Variants in PCBP2 observed in about 807,000 individuals in gnomAD.
PCBP2 encodes poly(rC) binding protein 2.
PCBP2 carries 4 observed loss-of-function variants against 50.1 expected under a neutral mutation model. That is an observed-to-expected ratio of 0.08 (90% CI 0.04 to 0.18). The LOEUF (loss-of-function observed/expected upper bound fraction) is 0.18, where lower values mean the gene tolerates loss of function less well. Ranked by LOEUF, PCBP2 falls within the 10% of genes least tolerant of loss-of-function variation. The probability of loss-of-function intolerance (pLI) is 1.00; values close to 1 mark genes in which losing one functional copy is unlikely to be tolerated. For synonymous variants in PCBP2, 179 were observed against 168.0 expected, an observed-to-expected ratio of 1.07 and a Z score of -0.51; for missense variants, 161 against 474.3, an observed-to-expected ratio of 0.34 and a Z score of 6.14.
intron 14 of PCBP2, among the ~76,000 whole-genome samples, chr12:53,472,922 G>A (rs950761251): frequency 1.3e-5 from 2 of 152,104 alleles, no homozygotes; most frequent in East Asian, 3.8e-4. Flanking sequence ...GGTCCTTAAT[G>A]TTGAGAATGA....
In PCBP2 at chr12:53,464,789, G is replaced by A. The variant is rs1177502548; in HGVS notation, c.609G>A (p.Ala203=). Residue 203 remains alanine, a synonymous_variant, in exon 9 of 15, where the codon GCG becomes GCA. Transcript: ENST00000546463. ...QDRYSTGSDS[A]SFPHTTPSMC... is the part of the protein sequence containing the mutation. ...GGTACAGCACAGGCAGCGACAGTGC[G>A]AGCTTTCCCCACACCACCCCGTCCA... 2 of 1,611,682 alleles carry A rather than the reference G, an allele frequency of 1.2e-6. No homozygotes were observed. Among genetic ancestry groups the A allele is most frequent in the African/African-American group, 1.3e-5 (1 of 74,646 alleles).
chr12:53,454,513 A>G (rs1940842569), intron 1 of PCBP2: 1 of 361,006 alleles, frequency 2.8e-6, no homozygotes, highest in Non-Finnish European at 5.2e-6. Context: ...CCCTGTCATT[A>G]ATGAGAGGAA....
intron 13 of PCBP2, among the ~76,000 whole-genome samples, chr12:53,469,118 TCTC>T (rs1457109552): frequency 6.6e-6 from 1 of 151,646 alleles, no homozygotes; most frequent in Non-Finnish European, 1.5e-5. Context: ...GTCAGGCTGG[TCTC>T]AAACTCCCGA....
chr12:53,468,904 G>C (rs1941998721), intron 13 of PCBP2, 72 bp downstream of exon 13: 1 of 1,020,684 alleles, frequency 9.8e-7, no homozygotes, highest in Non-Finnish European at 1.5e-6. Flanking sequence ...CGTTTCAGCA[G>C]TGTCCTGCTA....
chr12:53,476,239 A>G (rs1399100667), intron 14 of PCBP2, among the ~76,000 whole-genome samples: 1 of 152,120 alleles, frequency 6.6e-6, no homozygotes, highest in Non-Finnish European at 1.5e-5. Context: ...CACCAGCACT[A>G]TCAGGAGTAG....
intron 7 of PCBP2, 31 bp from the exon 8 acceptor site, chr12:53,462,462 T>C (rs754439202): frequency 1.8e-5 from 28 of 1,587,198 alleles, no homozygotes; most frequent in Non-Finnish European, 2.4e-5. Flanking sequence ...CTTATCTCTT[T>C]TTGTTTTTTT....
chr12:53,475,760 A>G (rs1942541568), intron 14 of PCBP2: 1 of 152,174 alleles, frequency 6.6e-6, no homozygotes, highest in Non-Finnish European at 1.5e-5. Flanking sequence ...TCCCAAGTGA[A>G]TTTTATAGTC....
At chr12:53,453,586 A>G (rs1166284255) in intron 1 of PCBP2, among the ~76,000 whole-genome samples, 4 of 152,218 alleles carry the variant, frequency 2.6e-5, no homozygotes, top group East Asian at 1.9e-4. Flanking sequence ...GTTAGAGGAA[A>G]GTTAACACAG....
At chr12:53,475,732 T>C (rs1942538701) in intron 14 of PCBP2, 1 of 152,308 alleles carries the variant, frequency 6.6e-6, no homozygotes, top group African/African-American at 2.4e-5. Context: ...CCTGTATAAC[T>C]GACATGGGCT....
At position 53,459,189 on chromosome 12, in the gene PCBP2, A is replaced by G. The variant is rs909841112; in HGVS notation, c.244-83A>G. On this transcript the variant is annotated intron_variant, in intron 5 of 14. Transcript: ENST00000546463. ...CTCGCATGTCCTAATAAGATCACTTACCCTAATAAGGGTAAGTGGTTCTTT... is the reference window on the plus strand; with the variant it reads ...CTCGCATGTCCTAATAAGATCACTTGCCCTAATAAGGGTAAGTGGTTCTTT... 12 of 1,244,834 alleles carry G rather than the reference A, an allele frequency of 9.6e-6. No individual in the cohort carries two copies. In the Admixed American group the frequency reaches 1.5e-4, roughly 15 times the overall value. 77.1% of individuals were successfully genotyped at this position (1,244,834 alleles called of 1,614,324 possible).
At chr12:53,454,222 A>G (rs564655324) in intron 1 of PCBP2, among the ~76,000 whole-genome samples, 3 of 152,360 alleles carry the variant, frequency 2.0e-5, no homozygotes, top group Non-Finnish European at 2.9e-5. Flanking sequence ...AACGGTTGAA[A>G]TTTGTAATGT....
intron 6 of PCBP2, chr12:53,459,881 C>G (rs943066353): frequency 4.4e-6 from 2 of 454,542 alleles, no homozygotes; most frequent in Non-Finnish European, 8.9e-6. Context: ...TCATCTCAGC[C>G]TCCCAAGGAG....
chr12:53,453,593 A>G (rs1940749568), intron 1 of PCBP2, among the ~76,000 whole-genome samples: 1 of 152,202 alleles, frequency 6.6e-6, no homozygotes, highest in African/African-American at 2.4e-5. Context: ...GAAAGTTAAC[A>G]CAGTGGCTGG....
chr12:53,468,646 A>G, intron 12 of PCBP2, 131 bp from the exon 13 acceptor site: 1 of 728,040 alleles, frequency 1.4e-6, no homozygotes, highest in East Asian at 2.5e-5. Flanking sequence ...GGAGGCTTCC[A>G]AGTTAGTGAT....
chr12:53,471,608 G>T (rs775398501), intron 13 of PCBP2, 30 bp from the exon 14 acceptor site: 35 of 1,589,378 alleles, frequency 2.2e-5, no homozygotes, highest in Non-Finnish European at 2.6e-5. Context: ...ACTCTAATTC[G>T]GTGTGCCTTG....
intron 5 of PCBP2, among the ~76,000 whole-genome samples, chr12:53,457,333 T>A (rs905321225): frequency 6.6e-6 from 1 of 151,356 alleles, no homozygotes; most frequent in Non-Finnish European, 1.5e-5. Context: ...ATTACAGGCG[T>A]GAGCCACCAT....
chr12:53,454,278 A>G (rs1940823478), intron 1 of PCBP2: 1 of 153,038 alleles, frequency 6.5e-6, no homozygotes, highest in African/African-American at 2.4e-5. Context: ...ACTACAAAGA[A>G]AATTTACATG....
intron 8 of PCBP2, among the ~76,000 whole-genome samples, chr12:53,464,285 C>T (rs991805467): frequency 6.6e-6 from 1 of 151,950 alleles, no homozygotes; most frequent in Non-Finnish European, 1.5e-5. Flanking sequence ...ACACCTCCCC[C>T]TTCATACCTC....
intron 14 of PCBP2, among the ~76,000 whole-genome samples, chr12:53,478,871 ATT>A (rs35546014): frequency 6.8e-6 from 1 of 147,974 alleles, no homozygotes; most frequent in African/African-American, 2.5e-5. Flanking sequence ...TCTTTTTAAC[ATT>A]TTTTTTTTTA....
Sources: allele counts gnomAD v4.1 joint callset (sites outside exome capture counted in the v4.1 genomes callset), GRCh38; gene constraint gnomAD v4.1.1; transcripts MANE v1.5; gene names NCBI Gene and HGNC (gene_info 2026-07-23, HGNC 2026-07-21).